The following FBXL17 variants were observed in gnomAD, a reference collection of about 807,000 sequenced individuals.
FBXL17 encodes the protein F-box and leucine rich repeat protein 17, also known as F-box/LRR-repeat protein 17.
FBXL17 carries 22 observed loss-of-function variants against 66.2 expected under a neutral mutation model. The observed-to-expected ratio is 0.33, with a 90% CI of 0.24 to 0.47. The LOEUF is 0.47. Among genes scored for constraint, FBXL17 ranks in the 20% least tolerant of loss-of-function variants. The pLI, the probability that FBXL17 is intolerant of heterozygous loss-of-function variation, is 1.00. For synonymous variants in FBXL17, 474 were observed against 400.5 expected (o/e 1.18, Z -2.19); for missense variants, 878 against 948.2 (o/e 0.93, Z 0.97).
At chr5:107,883,188 T>C (rs1254934747) in intron 7 of FBXL17, among the ~76,000 whole-genome samples, 2 of 152,246 alleles carry the variant, frequency 1.3e-5, no homozygotes, top group African/African-American at 2.4e-5. Flanking sequence ...GTCAGATTTA[T>C]TACTAACTGC....
intron 7 of FBXL17, among the ~76,000 whole-genome samples, chr5:107,934,155 T>A (rs767091044): frequency 2.0e-5 from 3 of 152,184 alleles, no homozygotes; most frequent in Non-Finnish European, 4.4e-5. Flanking sequence ...TTACTTTCCA[T>A]GACAAATCTA....
chr5:108,230,744 C>CAAAA (rs1755299169), intron 4 of FBXL17, among the ~76,000 whole-genome samples: 1 of 113,402 alleles, frequency 8.8e-6, no homozygotes, highest in African/African-American at 3.7e-5. Context: ...AAAAAAAAAG[C>CAAAA]AAAATCTAAA....
intron 7 of FBXL17, among the ~76,000 whole-genome samples, chr5:108,008,317 G>A (rs1362351045): frequency 6.6e-6 from 1 of 152,132 alleles, no homozygotes; most frequent in Non-Finnish European, 1.5e-5. Context: ...TGCAAACCTT[G>A]AATGCAAGGT....
chr5:107,933,511 G>C (rs1750800524), intron 7 of FBXL17, among the ~76,000 whole-genome samples: 1 of 152,146 alleles, frequency 6.6e-6, no homozygotes, highest in Admixed American at 6.6e-5. Flanking sequence ...GGAACGCAAA[G>C]AAATGGAAAA....
intron 8 of FBXL17, 126 bp from the exon 9 acceptor site, chr5:107,861,986 G>T: frequency 3.9e-6 from 4 of 1,038,336 alleles, no homozygotes; most frequent in East Asian, 3.0e-5. Flanking sequence ...TCCTCCTAGC[G>T]ATGTGAGGAA....
chr5:108,172,079 GT>G (rs1260430935), intron 6 of FBXL17, among the ~76,000 whole-genome samples: 1 of 152,120 alleles, frequency 6.6e-6, no homozygotes, highest in Non-Finnish European at 1.5e-5. Context: ...CCAGTCTCGG[GT>G]ATGTCCCCAA....
intron 7 of FBXL17, among the ~76,000 whole-genome samples, chr5:107,903,197 T>C (rs965974224): frequency 6.6e-6 from 1 of 152,192 alleles, no homozygotes; most frequent in South Asian, 2.1e-4. Context: ...GTGAGACATG[T>C]CATTCTACAT....
intron 4 of FBXL17, among the ~76,000 whole-genome samples, chr5:108,311,188 T>C (rs1195030162): frequency 7.2e-5 from 11 of 152,060 alleles, no homozygotes; most frequent in African/African-American, 2.4e-4. Context: ...ATTTTTTTTC[T>C]GAGATGGAGT....
intron 4 of FBXL17, among the ~76,000 whole-genome samples, chr5:108,266,326 A>T (rs1235545905): frequency 2.0e-5 from 3 of 151,602 alleles, no homozygotes; most frequent in African/African-American, 7.2e-5. Flanking sequence ...AAATACATAA[A>T]TTTTTCACTT....
intron 7 of FBXL17, among the ~76,000 whole-genome samples, chr5:107,975,857 G>GTTTTTT (rs1554053909): frequency 3.8e-5 from 3 of 79,918 alleles, no homozygotes; most frequent in Non-Finnish European, 5.6e-5. Flanking sequence ...TGTTGTTGTT[G>GTTTTTT]TTTTTTTTTT....
At position 107,860,777 on chromosome 5, in the gene FBXL17, C is replaced by T. The variant is rs771779793; in HGVS notation, c.*943G>A. The T allele has an allele frequency of 2.0e-5, 3 of 152,522 alleles. No individual in the cohort carries two copies. Among genetic ancestry groups the T allele is most frequent in the African/African-American group, 7.2e-5 (3 of 41,426 alleles). The allele number at this position is 152,522 out of a possible 1,614,324, so 9.4% of individuals were successfully genotyped here. ...TCTTCTATTAATGTGACTACCCTCTCGTATCTCAGAAATAGACTTTAATAA... is the reference window on the plus strand; with the variant it reads ...TCTTCTATTAATGTGACTACCCTCTTGTATCTCAGAAATAGACTTTAATAA... On this transcript the variant is annotated 3_prime_UTR_variant, in exon 9 of 9. Coordinates refer to ENST00000542267, the MANE Select transcript of FBXL17 (RefSeq NM_001163315.3).
At chr5:108,090,299 C>T (rs1455413594) in intron 6 of FBXL17, among the ~76,000 whole-genome samples, 1 of 152,218 alleles carries the variant, frequency 6.6e-6, no homozygotes, top group East Asian at 1.9e-4. Flanking sequence ...GGGAGCCATT[C>T]ACCCTCAGTC....
At position 108,349,791 on chromosome 5, in the gene FBXL17, T is replaced by G. The variant is rs181653715; in HGVS notation, c.1375-1261A>C. The stretch of plus-strand genomic sequence containing the variant: ...TACTACTAAATTCCAGTTAATTCAG[T>G]GGTTCTAACTGGCCCATGGAGAGAA... On this transcript the variant is annotated intron_variant, in intron 3 of 8. Transcript: ENST00000542267. Among the ~76,000 whole-genome samples the G allele has an allele frequency of 2.6e-5, 4 of 152,264 alleles. No homozygotes were observed. In the East Asian group the frequency reaches 7.7e-4, roughly 29 times the overall value.
At chr5:108,079,653 G>A (rs1010115837) in intron 6 of FBXL17, among the ~76,000 whole-genome samples, 3 of 152,100 alleles carry the variant, frequency 2.0e-5, no homozygotes, top group African/African-American at 7.2e-5. Context: ...TGTAATTATA[G>A]GCTCACTGGG....
intron 6 of FBXL17, among the ~76,000 whole-genome samples, chr5:108,165,380 CT>C (rs1752379474): frequency 6.6e-6 from 1 of 152,082 alleles, no homozygotes; most frequent in African/African-American, 2.4e-5. Context: ...TTTAAGTAGT[CT>C]TTTCTTTTAA....
At chr5:108,037,839 C>CTA (rs1735443631) in intron 6 of FBXL17, among the ~76,000 whole-genome samples, 1 of 152,154 alleles carries the variant, frequency 6.6e-6, no homozygotes, top group Admixed American at 6.6e-5. Flanking sequence ...TCCCTTATCT[C>CTA]TAGACATTAT....
At chr5:108,048,667 G>A (rs529963356) in intron 6 of FBXL17, among the ~76,000 whole-genome samples, 1 of 152,240 alleles carries the variant, frequency 6.6e-6, no homozygotes, top group South Asian at 2.1e-4. Context: ...GCATACACAA[G>A]TATCAATAGC....
intron 6 of FBXL17, among the ~76,000 whole-genome samples, chr5:108,101,019 A>C (rs999870207): frequency 6.6e-5 from 10 of 152,208 alleles, no homozygotes; most frequent in Non-Finnish European, 1.3e-4. Flanking sequence ...TTGAGGGGAG[A>C]AACAGTGAAT....
intron 8 of FBXL17, among the ~76,000 whole-genome samples, chr5:107,870,810 C>T (rs1434613164): frequency 6.6e-6 from 1 of 151,856 alleles, no homozygotes; most frequent in Non-Finnish European, 1.5e-5. Flanking sequence ...TGGTCTCAAT[C>T]TCCTGACCTC....
Sources: allele counts gnomAD v4.1 joint callset (sites outside exome capture counted in the v4.1 genomes callset), GRCh38; gene constraint gnomAD v4.1.1; transcripts MANE v1.5; gene names NCBI Gene and HGNC (gene_info 2026-07-23, HGNC 2026-07-21).